Variants in NRG3 observed in about 807,000 individuals in gnomAD.
NRG3 encodes pro-neuregulin-3, membrane-bound isoform.
In NRG3, 31 loss-of-function variants were observed where a neutral mutation model predicts 66.9. The ratio of observed to expected loss-of-function variants is 0.46; its 90% CI spans 0.35 to 0.63. The LOEUF (loss-of-function observed/expected upper bound fraction) is 0.63, where lower values mean the gene tolerates loss of function less well. Ranked by LOEUF, NRG3 falls within the 20% of genes least tolerant of loss-of-function variation. NRG3 has a pLI of 0.00. For synonymous variants in NRG3, 393 were observed against 359.4 expected (o/e 1.09, Z -1.06); for missense variants, 910 against 878.9 (o/e 1.04, Z -0.45).
chr10:82,101,529 A>G (rs1386002091), intron 1 of NRG3, among the ~76,000 whole-genome samples: 9 of 151,604 alleles, frequency 5.9e-5, no homozygotes. Flanking sequence ...GATAGATTTT[A>G]TTTTTATTTA....
intron 1 of NRG3, among the ~76,000 whole-genome samples, chr10:81,896,317 A>G (rs553189213): frequency 3.3e-5 from 5 of 152,158 alleles, no homozygotes; most frequent in African/African-American, 9.6e-5. Context: ...GCAGGAGAAG[A>G]GATGTACCTC....
At chr10:82,446,648 C>T (rs925961215) in intron 2 of NRG3, among the ~76,000 whole-genome samples, 2 of 151,994 alleles carry the variant, frequency 1.3e-5, no homozygotes, top group African/African-American at 2.4e-5. Context: ...GGAGGGAGTA[C>T]GGAGAGGTAA....
At chr10:82,280,913 C>G (rs1316529475) in intron 1 of NRG3, among the ~76,000 whole-genome samples, 1 of 152,188 alleles carries the variant, frequency 6.6e-6, no homozygotes, top group Non-Finnish European at 1.5e-5. Flanking sequence ...CAGACCCATG[C>G]CTGCTTTCTG....
chr10:82,500,274 T>C (rs1844043079), intron 2 of NRG3, among the ~76,000 whole-genome samples: 1 of 152,132 alleles, frequency 6.6e-6, no homozygotes, highest in South Asian at 2.1e-4. Context: ...GATTACTGGC[T>C]CCATTAAGTG....
intron 1 of NRG3, among the ~76,000 whole-genome samples, chr10:82,354,658 C>A (rs1424035522): frequency 6.6e-6 from 1 of 152,120 alleles, no homozygotes; most frequent in African/African-American, 2.4e-5. Context: ...TCCCAAATTG[C>A]TATGATTATG....
At chr10:82,320,636 G>T (rs1232124860) in intron 1 of NRG3, among the ~76,000 whole-genome samples, 2 of 152,094 alleles carry the variant, frequency 1.3e-5, no homozygotes, top group Non-Finnish European at 2.9e-5. Flanking sequence ...GATGACTGGG[G>T]TATGTACACT....
chr10:82,093,087 T>G (rs2066128740), intron 1 of NRG3, among the ~76,000 whole-genome samples: 1 of 152,190 alleles, frequency 6.6e-6, no homozygotes, highest in African/African-American at 2.4e-5. Context: ...CTAAGATTTA[T>G]TAGTAGCCTT....
At chr10:82,527,695 A>G (rs927678577) in intron 2 of NRG3, among the ~76,000 whole-genome samples, 4 of 152,156 alleles carry the variant, frequency 2.6e-5, no homozygotes, top group African/African-American at 9.7e-5. Context: ...TAACCCTTCC[A>G]GGGAGGTCAT....
chr10:81,881,186 G>GT (rs144046078), intron 1 of NRG3, among the ~76,000 whole-genome samples: 5,427 of 136,938 alleles, frequency 0.04, 102 homozygotes, highest in African/African-American at 0.062. Flanking sequence ...TTTTTTTTGT[G>GT]TTTTTTTTTT....
At chr10:82,206,079 A>G (rs1323514142) in intron 1 of NRG3, among the ~76,000 whole-genome samples, 2 of 152,234 alleles carry the variant, frequency 1.3e-5, no homozygotes, top group Non-Finnish European at 2.9e-5. Context: ...TTGCTTTGAC[A>G]CCTCTGTAGG....
At chr10:82,596,048 T>C (rs1230220397) in intron 2 of NRG3, among the ~76,000 whole-genome samples, 1 of 152,198 alleles carries the variant, frequency 6.6e-6, no homozygotes, top group Non-Finnish European at 1.5e-5. Context: ...GATGAATTAA[T>C]GAGTGGTATT....
chr10:82,804,585 T>A (rs2061197246), intron 3 of NRG3, among the ~76,000 whole-genome samples: 1 of 152,180 alleles, frequency 6.6e-6, no homozygotes. Context: ...TAATCACACA[T>A]GAGAAAATCA....
intron 2 of NRG3, among the ~76,000 whole-genome samples, chr10:82,668,983 T>A (rs568485899): frequency 3.0e-4 from 45 of 152,248 alleles, no homozygotes; most frequent in African/African-American, 1.1e-3. Flanking sequence ...GCTGTTAAAG[T>A]CGGTAAATGC....
chr10:82,287,682 C>A (rs1336894467), intron 1 of NRG3, among the ~76,000 whole-genome samples: 1 of 152,116 alleles, frequency 6.6e-6, no homozygotes, highest in Non-Finnish European at 1.5e-5. Flanking sequence ...TTTTGGTAGA[C>A]TCAAATTCAA....
At chr10:82,809,095 A>T (rs1442879430) in intron 3 of NRG3, among the ~76,000 whole-genome samples, 1 of 152,204 alleles carries the variant, frequency 6.6e-6, no homozygotes, top group Admixed American at 6.5e-5. Flanking sequence ...CCAGTTCAAG[A>T]CAACACATGC....
At chr10:82,709,229 G>A (rs746315938) in intron 2 of NRG3, among the ~76,000 whole-genome samples, 1 of 152,128 alleles carries the variant, frequency 6.6e-6, no homozygotes, top group Non-Finnish European at 1.5e-5. Context: ...GTGTCTAATG[G>A]CTACCAGGAA....
intron 4 of NRG3, among the ~76,000 whole-genome samples, chr10:82,947,079 A>G (rs1489686382): frequency 6.6e-6 from 1 of 152,140 alleles, no homozygotes; most frequent in East Asian, 1.9e-4. Context: ...AACTCCCAAA[A>G]GTTTCCCCAC....
In NRG3 at chr10:82,878,710, G is replaced by T. The variant is rs116454299; in HGVS notation, c.1054+13273G>T. ...TGAGGCAATCTGTTTGGAAATACTGGCTCTCATCAGCAAAGGGAATCACAT... is the reference window on the plus strand; with the variant it reads ...TGAGGCAATCTGTTTGGAAATACTGTCTCTCATCAGCAAAGGGAATCACAT... On this transcript the variant is annotated intron_variant, in intron 4 of 8. Coordinates refer to ENST00000372141, the MANE Select transcript of NRG3 (RefSeq NM_001010848.4). Among the ~76,000 whole-genome samples the T allele has an allele frequency of 1.9e-3, 284 of 152,190 alleles. 2 individuals are homozygous for T. Among genetic ancestry groups the T allele is most frequent in the African/African-American group, 6.5e-3 (271 of 41,518 alleles).
intron 1 of NRG3, among the ~76,000 whole-genome samples, chr10:82,067,833 GA>G (rs2064574023): frequency 6.6e-6 from 1 of 152,162 alleles, no homozygotes; most frequent in African/African-American, 2.4e-5. Context: ...CATTTCCTTT[GA>G]ATAGCACTTT....
Sources: gnomAD v4.1 joint callset for allele counts (sites outside exome capture counted in the v4.1 genomes callset) on GRCh38, gnomAD v4.1.1 for gene constraint, MANE v1.5 for transcripts, NCBI Gene and HGNC (gene_info 2026-07-23, HGNC 2026-07-21) for gene names.